CTNNA2: variants seen among roughly 807,000 people sequenced by gnomAD.
The protein encoded by CTNNA2 is catenin alpha 2.
In CTNNA2, 42 loss-of-function variants were observed where a neutral mutation model predicts 101.0. The observed-to-expected ratio is 0.42, with a 90% CI of 0.32 to 0.54. The LOEUF (loss-of-function observed/expected upper bound fraction) is 0.54. Among genes scored for constraint, CTNNA2 ranks in the 20% least tolerant of loss-of-function variants. The probability of loss-of-function intolerance (pLI) is 0.14; values close to 1 mark genes in which losing one functional copy is unlikely to be tolerated. For synonymous variants in CTNNA2, 450 were observed against 456.4 expected (o/e 0.99, Z 0.18); for missense variants, 871 against 1,223.1 (o/e 0.71, Z 4.29).
intron 7 of CTNNA2, among the ~76,000 whole-genome samples, chr2:80,320,455 T>G (rs1678568730): frequency 6.6e-6 from 1 of 152,224 alleles, no homozygotes; most frequent in Non-Finnish European, 1.5e-5. Flanking sequence ...AGCCTTCACC[T>G]TCTCCGAATT....
At chr2:80,091,113 A>T (rs1699766736) in intron 7 of CTNNA2, among the ~76,000 whole-genome samples, 1 of 152,124 alleles carries the variant, frequency 6.6e-6, no homozygotes, top group African/African-American at 2.4e-5. Context: ...TTAAAGTTTG[A>T]TTAAACATGC....
intron 8 of CTNNA2, among the ~76,000 whole-genome samples, chr2:80,417,314 T>C (rs1208415303): frequency 6.6e-6 from 1 of 151,678 alleles, no homozygotes; most frequent in Non-Finnish European, 1.5e-5. Context: ...TATACAGTAT[T>C]AGAATATAGT....
At chr2:79,539,168 T>A (rs2103978400) in intron 1 of CTNNA2, among the ~76,000 whole-genome samples, 1 of 152,292 alleles carries the variant, frequency 6.6e-6, no homozygotes, top group East Asian at 1.9e-4. Flanking sequence ...GTCAGCGGTG[T>A]TGTGCTGTTA....
intron 4 of CTNNA2, 31 bp from the exon 5 acceptor site, chr2:79,869,785 C>G: frequency 1.2e-6 from 2 of 1,602,762 alleles, no homozygotes; most frequent in Non-Finnish European, 1.7e-6. Flanking sequence ...ATACTATCCA[C>G]TAATAAATAT....
chr2:79,471,602 G>C (rs1174619260), intron 4 of CTNNA2, among the ~76,000 whole-genome samples: 1 of 152,154 alleles, frequency 6.6e-6, no homozygotes, highest in Non-Finnish European at 1.5e-5. Flanking sequence ...ACTTTGGGAG[G>C]CTGAGGCAGG....
chr2:79,355,899 C>T (rs1677498371), intron 3 of CTNNA2, among the ~76,000 whole-genome samples: 1 of 152,016 alleles, frequency 6.6e-6, no homozygotes, highest in Non-Finnish European at 1.5e-5. Flanking sequence ...CTGCTGTGAA[C>T]ATTCACATAC....
intron 3 of CTNNA2, among the ~76,000 whole-genome samples, chr2:79,848,049 T>C (rs1680380504): frequency 6.6e-6 from 1 of 152,200 alleles, no homozygotes; most frequent in Admixed American, 6.5e-5. Flanking sequence ...TAGAAACATT[T>C]ATTGACTTAA....
chr2:80,588,141 C>T (rs1374419129), intron 14 of CTNNA2, among the ~76,000 whole-genome samples: 1 of 152,122 alleles, frequency 6.6e-6, no homozygotes, highest in Non-Finnish European at 1.5e-5. Context: ...GATTCATTAA[C>T]ATTGAACTCA....
chr2:79,505,748 T>A (rs1047883947), intron 5 of CTNNA2, among the ~76,000 whole-genome samples: 3 of 152,194 alleles, frequency 2.0e-5, no homozygotes, highest in Admixed American at 2.0e-4. Context: ...TAGATGGGAA[T>A]AGACATTGGA....
intron 1 of CTNNA2, among the ~76,000 whole-genome samples, chr2:79,559,367 C>T (rs57543037): frequency 0.071 from 10,693 of 151,644 alleles, 1,221 homozygotes; most frequent in African/African-American, 0.24. Context: ...AGATGTGGGG[C>T]GGTTCCAAGG....
chr2:79,876,996 AC>A (rs1683073529), intron 6 of CTNNA2, among the ~76,000 whole-genome samples: 1 of 151,502 alleles, frequency 6.6e-6, no homozygotes, highest in Non-Finnish European at 1.5e-5. Flanking sequence ...TAAATAAGTC[AC>A]TAACTATATT....
At chr2:80,552,804 G>A (rs924035672) in intron 11 of CTNNA2, among the ~76,000 whole-genome samples, 5 of 152,142 alleles carry the variant, frequency 3.3e-5, no homozygotes, top group African/African-American at 9.7e-5. Flanking sequence ...TATTTTAAAA[G>A]TACGGTAAAA....
intron 1 of CTNNA2, among the ~76,000 whole-genome samples, chr2:79,636,710 T>C (rs890174058): frequency 6.6e-5 from 10 of 152,276 alleles, no homozygotes; most frequent in Admixed American, 4.6e-4. Flanking sequence ...TTTTGAATAA[T>C]TTTGAATAAT....
chr2:79,232,731 T>C (rs747596382), intron 2 of CTNNA2, among the ~76,000 whole-genome samples: 12 of 152,168 alleles, frequency 7.9e-5, no homozygotes, highest in Non-Finnish European at 1.2e-4. Flanking sequence ...TTACGGGTCT[T>C]TTCAGGTTTT....
At chr2:80,322,587 C>T (rs900995891) in intron 7 of CTNNA2, among the ~76,000 whole-genome samples, 48 of 151,582 alleles carry the variant, frequency 3.2e-4, no homozygotes, top group African/African-American at 1.1e-3. Context: ...CCGCGGGGCC[C>T]CAAGCGCCAG....
At chr2:80,289,387 T>A (rs1481769556) in intron 7 of CTNNA2, among the ~76,000 whole-genome samples, 1 of 152,204 alleles carries the variant, frequency 6.6e-6, no homozygotes, top group African/African-American at 2.4e-5. Context: ...CTTGCCCTAC[T>A]AATCTCTACC....
At position 79,797,674 on chromosome 2, in the gene CTNNA2, A is replaced by AAAAAAG. The variant is rs1675828083; in HGVS notation, c.298+53097_298+53098insGAAAAA. 3.3e-5 allele frequency among the ~76,000 whole-genome samples: 5 copies of AAAAAAG among 151,496 alleles called. No homozygotes were observed. The South Asian group carries it at 1.0e-3, about 32-fold the overall frequency. On this transcript the variant is annotated intron_variant, in intron 3 of 18. Coordinates refer to ENST00000402739, the MANE Select transcript of CTNNA2 (RefSeq NM_001282597.3). ...AGACTCTGTCTTAAAAAAAAAAAAAAAAAAATGATTGGCTTAACAGAAAAA... is the reference window on the plus strand; with the variant it reads ...AGACTCTGTCTTAAAAAAAAAAAAAAAAAAAGAAAAATGATTGGCTTAACAGAAAAA...
intron 7 of CTNNA2, among the ~76,000 whole-genome samples, chr2:80,055,827 G>T (rs1312741377): frequency 6.6e-6 from 1 of 152,130 alleles, no homozygotes; most frequent in African/African-American, 2.4e-5. Context: ...CAGTGCAGCT[G>T]ACTAAGCTCA....
chr2:79,466,820 A>T (rs1670942280), intron 4 of CTNNA2, among the ~76,000 whole-genome samples: 1 of 152,250 alleles, frequency 6.6e-6, no homozygotes, highest in South Asian at 2.1e-4. Flanking sequence ...GAGGGTCCTG[A>T]CTATTAGAAG....
Sources: gnomAD v4.1 joint callset for allele counts (sites outside exome capture counted in the v4.1 genomes callset) on GRCh38, gnomAD v4.1.1 for gene constraint, MANE v1.5 for transcripts, NCBI Gene and HGNC (gene_info 2026-07-23, HGNC 2026-07-21) for gene names.